The following KANK1 variants were observed in gnomAD, a reference collection of about 807,000 sequenced individuals.
KANK1 encodes KN motif and ankyrin repeat domain-containing protein 1.
In KANK1, 109 loss-of-function variants were observed where a neutral mutation model predicts 106.2. The ratio of observed to expected loss-of-function variants is 1.03; its 90% CI spans 0.88 to 1.20. The LOEUF (loss-of-function observed/expected upper bound fraction) is 1.20, where lower values mean the gene tolerates loss of function less well. KANK1 is among the 50% of genes most tolerant of loss of function. KANK1 has a pLI of 0.00. For missense variants in KANK1, 2,399 were observed against 1,710.7 expected (o/e 1.40, Z -7.10); for synonymous variants, 873 against 652.2 (o/e 1.34, Z -5.16).
chr9:583,812 G>A (rs1356309786), intron 1 of KANK1, among the ~76,000 whole-genome samples: 1 of 151,844 alleles, frequency 6.6e-6, no homozygotes, highest in African/African-American at 2.4e-5. Context: ...GATGAACACA[G>A]TAGTAGAAAA....
intron 1 of KANK1, among the ~76,000 whole-genome samples, chr9:620,019 C>T (rs1832760449): frequency 6.6e-6 from 1 of 152,052 alleles, no homozygotes; most frequent in Non-Finnish European, 1.5e-5. Context: ...CGCCTGTAAT[C>T]CCAGCTGCTA....
intron 1 of KANK1, among the ~76,000 whole-genome samples, chr9:655,540 G>A (rs1212089467): frequency 6.6e-6 from 1 of 152,176 alleles, no homozygotes; most frequent in African/African-American, 2.4e-5. Flanking sequence ...TTGCTGGAAT[G>A]CAGATTGATT....
intron 1 of KANK1, among the ~76,000 whole-genome samples, chr9:651,773 T>C (rs1036006965): frequency 1.3e-5 from 2 of 152,244 alleles, no homozygotes; most frequent in African/African-American, 4.8e-5. Flanking sequence ...ATGAGAGAAT[T>C]TCAAAAATTA....
At chr9:606,799 C>G (rs1467276190) in intron 1 of KANK1, among the ~76,000 whole-genome samples, 1 of 151,424 alleles carries the variant, frequency 6.6e-6, no homozygotes, top group Non-Finnish European at 1.5e-5. Flanking sequence ...TGTTTTCATC[C>G]TCTCATCAAA....
At chr9:514,706 T>C (rs2059204215) in intron 1 of KANK1, among the ~76,000 whole-genome samples, 1 of 151,754 alleles carries the variant, frequency 6.6e-6, no homozygotes, top group Non-Finnish European at 1.5e-5. Flanking sequence ...CCATGAACGT[T>C]AGGTTTCTAG....
At chr9:554,253 G>C (rs75941793) in intron 1 of KANK1, among the ~76,000 whole-genome samples, 1 of 152,158 alleles carries the variant, frequency 6.6e-6, no homozygotes, top group African/African-American at 2.4e-5. Context: ...AGCACCTGGC[G>C]TAAGTTTCCA....
At chr9:640,305 G>A (rs533284424) in intron 1 of KANK1, among the ~76,000 whole-genome samples, 4 of 151,734 alleles carry the variant, frequency 2.6e-5, no homozygotes, top group South Asian at 2.1e-4. Context: ...GTGTGATCTC[G>A]GCTCTCTGCA....
chr9:474,842 A>G (rs1471279388), intron 3 of KANK1, among the ~76,000 whole-genome samples: 1 of 152,196 alleles, frequency 6.6e-6, no homozygotes, highest in Non-Finnish European at 1.5e-5. Context: ...CCCTGAGGAC[A>G]CTTCAGTATC....
At chr9:513,977 G>T (rs983598399) in intron 1 of KANK1, among the ~76,000 whole-genome samples, 1 of 151,892 alleles carries the variant, frequency 6.6e-6, no homozygotes, top group Non-Finnish European at 1.5e-5. Context: ...AAATCACGCC[G>T]CTGCATTCCA....
rs572915608 is a variant in KANK1 at position 593,161 on chromosome 9, CT to C, written c.-83-83727del. Among the ~76,000 whole-genome samples the C allele has an allele frequency of 1.9e-4, 29 of 151,880 alleles. No homozygotes were observed. In the East Asian group the frequency reaches 5.6e-3, roughly 29 times the overall value. On this transcript the variant is annotated intron_variant, in intron 1 of 11. Transcript: ENST00000382297. The stretch of plus-strand genomic sequence containing the variant: ...CAGTGACTACCTTTCCTAACTGCCT[CT>C]TATCTCTAGATGTGGAATAAAAATC...
Position 545,947 on chromosome 9 carries a change from T to C in KANK1, c.-84+41193T>C, listed in dbSNP as rs1275265699. On this transcript the variant is annotated intron_variant, in intron 1 of 11. Coordinates refer to ENST00000382297, the MANE Select transcript of KANK1 (RefSeq NM_015158.5). ...ATTTTTAGTAGAGACAGGGTTTTGC[T>C]ATGTTGGCCAGGCTGGTCTCGAACT... Among the ~76,000 whole-genome samples, 9 of 151,998 alleles carry C rather than the reference T, an allele frequency of 5.9e-5. No individual in the cohort carries two copies. The East Asian group carries it at 1.6e-3, about 26-fold the overall frequency.
intron 3 of KANK1, among the ~76,000 whole-genome samples, chr9:715,163 A>C (rs971161526): frequency 6.6e-6 from 1 of 152,206 alleles, no homozygotes; most frequent in African/African-American, 2.4e-5. Context: ...AATGAATATG[A>C]CAGCTCATGT....
chr9:690,309 A>AAAAAG (rs1158251983), intron 2 of KANK1, among the ~76,000 whole-genome samples: 4 of 141,136 alleles, frequency 2.8e-5, no homozygotes, highest in African/African-American at 8.1e-5. Flanking sequence ...CTGTCTCAAA[A>AAAAAG]AAAAGAAAAA....
chr9:542,083 C>T lies in KANK1; in HGVS notation c.-84+37329C>T, dbSNP rs111253624. On this transcript the variant is annotated intron_variant, in intron 1 of 11. Transcript: ENST00000382297. ...CAGCCTGGGCGACAGAGCGAGACTC[C>T]GTCTCAAAAAAAAAAAATGAACAGA... is the stretch of plus-strand genomic sequence containing the variant. Among the ~76,000 whole-genome samples the T allele has an allele frequency of 6.8e-3, 1,027 of 150,128 alleles. 16 individuals are homozygous for T. Among genetic ancestry groups the T allele is most frequent in the African/African-American group, 0.023 (932 of 40,810 alleles).
intron 1 of KANK1, among the ~76,000 whole-genome samples, chr9:603,889 G>A (rs1399504653): frequency 6.7e-6 from 1 of 148,654 alleles, no homozygotes; most frequent in Non-Finnish European, 1.5e-5. Context: ...AACCCGGGAG[G>A]CAGAGGTTGC....
intron 1 of KANK1, among the ~76,000 whole-genome samples, chr9:654,558 A>C (rs931379924): frequency 7.0e-6 from 1 of 142,650 alleles, no homozygotes; most frequent in Admixed American, 7.1e-5. Context: ...CAGAAGGGAC[A>C]ATGTAATATA....
At chr9:555,364 C>G (rs1332057183) in intron 1 of KANK1, among the ~76,000 whole-genome samples, 1 of 150,588 alleles carries the variant, frequency 6.6e-6, no homozygotes, top group African/African-American at 2.5e-5. Context: ...TGGCACGTGA[C>G]TTAGATGTGC....
intron 1 of KANK1, among the ~76,000 whole-genome samples, chr9:616,749 G>T (rs757203030): frequency 2.2e-4 from 33 of 152,166 alleles, no homozygotes; most frequent in Non-Finnish European, 1.3e-4. Flanking sequence ...GCTGTGTTCA[G>T]TGTTGACCTC....
At chr9:678,906 A>G (rs541568319) in intron 2 of KANK1, among the ~76,000 whole-genome samples, 1 of 152,054 alleles carries the variant, frequency 6.6e-6, no homozygotes, top group African/African-American at 2.4e-5. Flanking sequence ...AGGGGTGTTT[A>G]AGATTGTTGG....
Sources: allele counts gnomAD v4.1 joint callset (sites outside exome capture counted in the v4.1 genomes callset), GRCh38; gene constraint gnomAD v4.1.1; transcripts MANE v1.5; gene names NCBI Gene and HGNC (gene_info 2026-07-23, HGNC 2026-07-21).